Variants in PSD observed in about 807,000 individuals in gnomAD.
PSD encodes PH and SEC7 domain-containing protein 1.
Under a neutral mutation model 91.6 loss-of-function variants are expected in PSD, and 32 were observed. The ratio of observed to expected loss-of-function variants is 0.35; its 90% confidence interval spans 0.26 to 0.47. PSD has a LOEUF of 0.47. Among genes scored for constraint, PSD ranks in the 20% least tolerant of loss-of-function variants. PSD has a pLI of 1.00. For synonymous variants in PSD, 532 were observed against 569.3 expected, an observed-to-expected ratio of 0.93 and a Z score of 0.93; for missense variants, 1,099 against 1,373.9, an observed-to-expected ratio of 0.80 and a Z score of 3.16.
rs774485946 is a variant in PSD at position 102,416,827 on chromosome 10, C to T, written c.212G>A (p.Arg71His). 10 of 1,599,394 alleles carry T rather than the reference C, an allele frequency of 6.3e-6. No homozygotes were observed. The highest frequency in any genetic ancestry group is 2.2e-5 in the East Asian group (1 of 44,750). ...AGCAACACGGGGTGAGGGGGGGCCA[C>T]GCAGAGGTGTACAGGGTGCTGTCAC... ...GRVTAPCTPL[R>H]GPPSPRVAPS... The change falls in exon 2 of 17, where the codon CGT (arginine) becomes CAT (histidine). Residue 71 changes from arginine to histidine, a missense_variant. Transcript: ENST00000020673. This position sits in a 1 kb window ranked among gnomAD's most constrained non-coding sequence, Gnocchi z 6.0.
rs768222172 is a variant in PSD at position 102,405,404 on chromosome 10, G to A, written c.2268C>T (p.Ala756=). Residue 756 remains alanine (A), a synonymous_variant, in exon 12 of 17, where the codon GCC becomes GCT. Transcript: ENST00000020673. The surrounding 1 kb of genome is among the most constrained non-coding windows in gnomAD (Gnocchi z 5.4). The stretch of plus-strand genomic sequence containing the variant: ...GCACCAGGGCCCCGTGCTTGTAGAC[G>A]GCAGCCCCAGGCTCGGGAGTCAGGT... ...FLDLTPEPGA[A]VYKHGALVRK... 9.9e-6 allele frequency: 16 copies of A among 1,613,854 alleles called. No individual in the cohort carries two copies. The highest frequency in any genetic ancestry group is 1.3e-5 in the African/African-American group (1 of 75,032).
At chr10:102,407,374 G>T (rs2061374392) in intron 10 of PSD, 108 bp from the exon 11 acceptor site, 2 of 700,824 alleles carry the variant, frequency 2.9e-6, no homozygotes, top group Non-Finnish European at 4.3e-6. Flanking sequence ...AAGGGGAAAG[G>T]GCAGCAAGAT....
intron 8 of PSD, 43 bp from the exon 9 acceptor site, chr10:102,411,159 C>T: frequency 1.3e-6 from 2 of 1,555,602 alleles, no homozygotes; most frequent in South Asian, 1.2e-5. Flanking sequence ...CTCCCAGGGA[C>T]CCTTCCCACA....
chr10:102,403,133 C>CCGGGCTCAGGCAGGGCCATGTCAT lies in PSD; in HGVS notation c.*43_*66dup, dbSNP rs2061304015. On this transcript the variant is annotated 3_prime_UTR_variant, in exon 17 of 17. Coordinates refer to ENST00000020673, the MANE Select transcript of PSD (RefSeq NM_002779.5). The surrounding 1 kb of genome is among the most constrained non-coding windows in gnomAD (Gnocchi z 6.7). ...CCCTCGTGGGTGGCCCGAGGCCGGCCCGGGCTCAGGCAGGGCCATGTCATC... is the reference window on the plus strand; with the variant it reads ...CCCTCGTGGGTGGCCCGAGGCCGGCCCGGGCTCAGGCAGGGCCATGTCATCGGGCTCAGGCAGGGCCATGTCATC... 7.6e-7 allele frequency: 1 copy of CCGGGCTCAGGCAGGGCCATGTCAT among 1,317,662 alleles called. No homozygotes were observed. The highest frequency in any genetic ancestry group is 1.0e-6 in the Non-Finnish European group (1 of 999,918). 81.6% of individuals were successfully genotyped at this position (1,317,662 alleles called of 1,614,324 possible). A position where few individuals can be genotyped will look rare whatever the true frequency, so the allele number is the denominator to read the frequency against.
Position 102,409,117 on chromosome 10 carries a change from C to A in PSD, c.2091+1741G>T. 1 of 982,070 alleles carries A rather than the reference C, an allele frequency of 1.0e-6. No homozygotes were observed. The highest frequency in any genetic ancestry group is 1.2e-6 in the Non-Finnish European group (1 of 828,838). The allele number at this position is 982,070 out of a possible 1,614,324, so 60.8% of individuals were successfully genotyped here. A position where few individuals can be genotyped will look rare whatever the true frequency, so the allele number is the denominator to read the frequency against. ...TGCTGGCCCGGCCGGCGCGCCGCGG[C>A]CCCCGGCCATGCCCCCGTCCGCCCT... On this transcript the variant is annotated intron_variant, in intron 10 of 16. Transcript: ENST00000020673. This position sits in a 1 kb window ranked among gnomAD's most constrained non-coding sequence, Gnocchi z 5.7.
chr10:102,402,629 A>C lies in PSD; in HGVS notation c.*571T>G, dbSNP rs1207771490. On this transcript the variant is annotated 3_prime_UTR_variant, in exon 17 of 17. Coordinates refer to ENST00000020673, the MANE Select transcript of PSD (RefSeq NM_002779.5). ...GAGGAGGCCCAGCCAGCAAGTCCAG[A>C]GCAGTTTTAATGGGGGTGGAGGCTG... The C allele has an allele frequency of 2.2e-6, 1 of 447,344 alleles. No individual in the cohort carries two copies. The highest frequency in any genetic ancestry group is 4.0e-6 in the Non-Finnish European group (1 of 252,668). The allele number at this position is 447,344 out of a possible 1,614,324, so 27.7% of individuals were successfully genotyped here.
chr10:102,419,026 G>C (rs966656373), upstream of PSD: 2 of 317,462 alleles, frequency 6.3e-6, no homozygotes, highest in Non-Finnish European at 1.3e-5. The surrounding 1 kb of genome is among the most constrained non-coding windows in gnomAD (Gnocchi z 4.8). Flanking sequence ...CACCCCACTT[G>C]TGTCCACGTC....
At chr10:102,411,921 G>A (rs2061429066) in intron 7 of PSD, 102 bp from the exon 8 acceptor site, 2 of 952,708 alleles carry the variant, frequency 2.1e-6, no homozygotes, top group East Asian at 2.5e-5. Context: ...GGGGTGGGAA[G>A]GGGAGGAGAG....
chr10:102,414,872 T>G lies in PSD; in HGVS notation c.1115A>C (p.Glu372Ala). The G allele has an allele frequency of 6.7e-7, 1 of 1,497,704 alleles. No homozygotes were observed. Among genetic ancestry groups the G allele is most frequent in the Non-Finnish European group, 8.9e-7 (1 of 1,126,242 alleles). The allele number at this position is 1,497,704 out of a possible 1,614,324, so 92.8% of individuals were successfully genotyped here. The change falls in exon 4 of 17, where the codon GAA becomes GCA. Residue 372 changes from glutamate to alanine, a missense_variant. Physicochemically the swap from Glu to Ala is moderately radical, Grantham distance 107. Around this residue, in one of 3 missense-constraint regions of PSD, gnomAD observed 631 missense variants for 728.8 expected, o/e 0.87. Coordinates refer to ENST00000020673, the MANE Select transcript of PSD (RefSeq NM_002779.5). The surrounding 1 kb of genome is among the most constrained non-coding windows in gnomAD (Gnocchi z 5.6). ...CCACTTCCCCACTCACCGGGCCCCT[T>G]CAGAGGCCTCAAACACCTCGTCGTC... ...DVDDEVFEAS[E>A]GARPGSRMPL...
intron 1 of PSD, among the ~76,000 whole-genome samples, chr10:102,417,707 C>CT (rs5787453): frequency 1.5e-3 from 184 of 122,896 alleles, no homozygotes; most frequent in East Asian, 4.0e-3. Flanking sequence ...GGACATTCTT[C>CT]TTTTTTTTTT....
chr10:102,403,540 C>G lies in PSD; in HGVS notation c.2845-110G>C. On this transcript the variant is annotated intron_variant, in intron 16 of 16. Coordinates refer to ENST00000020673, the MANE Select transcript of PSD (RefSeq NM_002779.5). This position sits in a 1 kb window ranked among gnomAD's most constrained non-coding sequence, Gnocchi z 6.7. ...GGGCAGAAGATGGCAGGTGCCCACCCAGGACTGTGAGATGGTCCCATGCGG... is the reference window on the plus strand; with the variant it reads ...GGGCAGAAGATGGCAGGTGCCCACCGAGGACTGTGAGATGGTCCCATGCGG... The G allele has an allele frequency of 9.1e-7, 1 of 1,094,956 alleles. No individual in the cohort carries two copies. The allele number at this position is 1,094,956 out of a possible 1,614,324, so 67.8% of individuals were successfully genotyped here. A position where few individuals can be genotyped will look rare whatever the true frequency, so the allele number is the denominator to read the frequency against.
chr10:102,414,737 A>C lies in PSD; in HGVS notation c.1124+126T>G. ...CTCTGTCTAGAATCTCCTGCTATACACACTGCCCCGCCAGCCCCACACCCA... is the reference window on the plus strand; with the variant it reads ...CTCTGTCTAGAATCTCCTGCTATACCCACTGCCCCGCCAGCCCCACACCCA... On this transcript the variant is annotated intron_variant, in intron 4 of 16. Coordinates refer to ENST00000020673, the MANE Select transcript of PSD (RefSeq NM_002779.5). This position sits in a 1 kb window ranked among gnomAD's most constrained non-coding sequence, Gnocchi z 5.6. 1 of 1,293,304 alleles carries C rather than the reference A, an allele frequency of 7.7e-7. No individual in the cohort carries two copies. The allele number at this position is 1,293,304 out of a possible 1,614,324, so 80.1% of individuals were successfully genotyped here.
intron 11 of PSD, among the ~76,000 whole-genome samples, chr10:102,406,508 C>CTTTTTTTTT (rs1192531225): frequency 7.1e-6 from 1 of 140,094 alleles, no homozygotes; most frequent in African/African-American, 2.7e-5. Context: ...TTTCTTTTTT[C>CTTTTTTTTT]TTTTTTTTTT....
In PSD at chr10:102,403,737, G is replaced by A; in HGVS notation, c.2844+105C>T. Reference sequence around the variant, plus strand: ...AGGAGGAAACTGAGGCTTAGGTTAAGCAACCTGCCCAAGGACCTCCGGCCG... The same window carrying A: ...AGGAGGAAACTGAGGCTTAGGTTAAACAACCTGCCCAAGGACCTCCGGCCG... On this transcript the variant is annotated intron_variant, in intron 16 of 16. Coordinates refer to ENST00000020673, the MANE Select transcript of PSD (RefSeq NM_002779.5). This position sits in a 1 kb window ranked among gnomAD's most constrained non-coding sequence, Gnocchi z 6.7. 7.0e-7 allele frequency: 1 copy of A among 1,426,634 alleles called. No homozygotes were observed. The highest frequency in any genetic ancestry group is 9.3e-7 in the Non-Finnish European group (1 of 1,070,314). The allele number at this position is 1,426,634 out of a possible 1,614,324, so 88.4% of individuals were successfully genotyped here. A position where few individuals can be genotyped will look rare whatever the true frequency, so the allele number is the denominator to read the frequency against.
chr10:102,405,765 T>A lies in PSD; in HGVS notation c.2136-229A>T. 1.8e-6 allele frequency: 1 copy of A among 548,986 alleles called. No homozygotes were observed. The highest frequency in any genetic ancestry group is 3.3e-6 in the Non-Finnish European group (1 of 306,360). The allele number at this position is 548,986 out of a possible 1,614,324, so 34.0% of individuals were successfully genotyped here. On this transcript the variant is annotated intron_variant, in intron 11 of 16. Transcript: ENST00000020673. The surrounding 1 kb of genome is among the most constrained non-coding windows in gnomAD (Gnocchi z 5.4). The stretch of plus-strand genomic sequence containing the variant: ...GCTCCCCAGCCTAGAGCCACCACTG[T>A]CCCTTCCTCCCAGCAAGTAGGGCCA...
Position 102,416,714 on chromosome 10 carries a change from C to A in PSD, c.325G>T (p.Ala109Ser), listed in dbSNP as rs117436403. Residue 109 changes from alanine (A) to serine (S), a missense_variant, in exon 2 of 17, where the codon GCC becomes TCC. By Grantham distance (99) the Ala-to-Ser change is moderately conservative. Around this residue, in one of 3 missense-constraint regions of PSD, gnomAD observed 631 missense variants for 728.8 expected, o/e 0.87. Transcript: ENST00000020673. This position sits in a 1 kb window ranked among gnomAD's most constrained non-coding sequence, Gnocchi z 6.0. Reference protein sequence around the residue: ...SVVIFRFVEKASVRPLNGLPA... With the variant: ...SVVIFRFVEKSSVRPLNGLPA... ...AGCCCATTCAGTGGCCTCACACTGG[C>A]CTTCTCCACAAAGCGGAAGATGACC... 1.2e-5 allele frequency: 19 copies of A among 1,599,962 alleles called. No homozygotes were observed. The highest frequency in any genetic ancestry group is 1.4e-5 in the Non-Finnish European group (17 of 1,173,650).
rs773037635 is a variant in PSD, at chr10:102,416,676, C to T, written c.363G>A (p.Gly121=). 1 of 1,610,028 alleles carries T rather than the reference C, an allele frequency of 6.2e-7. No individual in the cohort carries two copies. The highest frequency in any genetic ancestry group is 8.5e-7 in the Non-Finnish European group (1 of 1,178,366). The change falls in exon 2 of 17, where the codon GGG becomes GGA. Residue 121 remains glycine, a synonymous_variant. Transcript: ENST00000020673. The surrounding 1 kb of genome is among the most constrained non-coding windows in gnomAD (Gnocchi z 6.0). ...VRPLNGLPAP[G]GLSRSWDLGG... is the part of the protein sequence containing the mutation. ...CCAGATCCCAGCTCCGACTCAAGCCCCCTGGAGCAGGTAGCCCATTCAGTG... is the reference window on the plus strand; with the variant it reads ...CCAGATCCCAGCTCCGACTCAAGCCTCCTGGAGCAGGTAGCCCATTCAGTG...
intron 1 of PSD, among the ~76,000 whole-genome samples, chr10:102,417,985 A>C (rs890455512): frequency 6.6e-6 from 1 of 152,088 alleles, no homozygotes; most frequent in African/African-American, 2.4e-5. Flanking sequence ...TTGGGATTAC[A>C]GGCGTGAGCC....
In PSD at chr10:102,416,097, C is replaced by T. The variant is rs1432517215; in HGVS notation, c.677G>A (p.Arg226Gln). 17 of 1,613,480 alleles carry T rather than the reference C, an allele frequency of 1.1e-5. No individual in the cohort carries two copies. The highest frequency in any genetic ancestry group is 6.7e-5 in the Admixed American group (4 of 59,928). The change falls in exon 3 of 17, where the codon CGG (arginine) becomes CAG (glutamine). Residue 226 changes from arginine (R) to glutamine (Q), a missense_variant. By Grantham distance (43) the Arg-to-Gln change is conservative. This residue lies in a region of PSD where 631 missense variants were observed against 728.8 expected (regional missense o/e 0.87). Transcript: ENST00000020673. This position sits in a 1 kb window ranked among gnomAD's most constrained non-coding sequence, Gnocchi z 6.0. Reference protein sequence around the residue: ...LNQGDTWSSPREVSSHAQRIA... With the variant: ...LNQGDTWSSPQEVSSHAQRIA... ...TCTCTGGGCATGAGAGGAGACTTCCCGGGGGGAGGACCAGGTATCCCCCTG... is the reference window on the plus strand; with the variant it reads ...TCTCTGGGCATGAGAGGAGACTTCCTGGGGGGAGGACCAGGTATCCCCCTG...
Sources: allele counts gnomAD v4.1 joint callset (sites outside exome capture counted in the v4.1 genomes callset), GRCh38; gene constraint gnomAD v4.1.1; regional missense constraint gnomAD v4.1.1; non-coding constraint Gnocchi (gnomAD v3.1); transcripts MANE v1.5; gene names NCBI Gene and HGNC (gene_info 2026-07-23, HGNC 2026-07-21).